Variants in GPR89B observed in about 807,000 individuals in gnomAD.
GPR89B encodes the protein G protein-coupled receptor 89B.
In GPR89B, 25 loss-of-function variants were observed where a neutral mutation model predicts 52.4. The ratio of observed to expected loss-of-function variants is 0.48; its 90% CI spans 0.35 to 0.67. The LOEUF (loss-of-function observed/expected upper bound fraction) is 0.67, where lower values mean the gene tolerates loss of function less well. Among genes scored for constraint, GPR89B ranks in the 30% least tolerant of loss-of-function variants. The pLI is 0.01. For synonymous variants in GPR89B, 52 were observed against 151.2 expected (o/e 0.34, Z 4.81); for missense variants, 146 against 450.2 (o/e 0.32, Z 6.11).
chr1:148,006,865 T>C, the GPR89B span, among the ~76,000 whole-genome samples: 4 of 148,268 alleles, frequency 2.7e-5, no homozygotes, highest in East Asian at 2.1e-4. Flanking sequence ...TACAGGCGCC[T>C]GCCACCGCGC....
chr1:147,941,460 G>C (rs1291387013), intron 3 of GPR89B, among the ~76,000 whole-genome samples: 4 of 151,822 alleles, frequency 2.6e-5, no homozygotes, highest in Admixed American at 2.6e-4. Flanking sequence ...AGTCTAAATG[G>C]TATTCACTCC....
At chr1:147,964,107 C>CT (rs1219999439) in intron 7 of GPR89B, among the ~76,000 whole-genome samples, 7 of 151,852 alleles carry the variant, frequency 4.6e-5, no homozygotes, top group African/African-American at 1.7e-4. Flanking sequence ...TATTGTGACT[C>CT]TATCAATGTC....
At chr1:147,956,277 A>G (rs1171661295) in intron 7 of GPR89B, among the ~76,000 whole-genome samples, 1 of 148,778 alleles carries the variant, frequency 6.7e-6, no homozygotes, top group African/African-American at 2.5e-5. Context: ...TGCTTGTATC[A>G]TGCTGTTTTA....
the GPR89B span, among the ~76,000 whole-genome samples, chr1:148,012,931 C>T: frequency 6.6e-6 from 1 of 151,796 alleles, no homozygotes; most frequent in Non-Finnish European, 1.5e-5. Flanking sequence ...TGTAAAATAG[C>T]AGAACGAATT....
intron 12 of GPR89B, among the ~76,000 whole-genome samples, chr1:147,991,905 T>C (rs1447117847): frequency 1.3e-5 from 2 of 151,944 alleles, no homozygotes; most frequent in African/African-American, 2.4e-5. Context: ...AATTCTCTTT[T>C]TTTGTTGTGT....
At chr1:147,985,148 A>G (rs1405016131) in intron 10 of GPR89B, among the ~76,000 whole-genome samples, 1 of 152,154 alleles carries the variant, frequency 6.6e-6, no homozygotes, top group African/African-American at 2.4e-5. Flanking sequence ...GTCATTAGGT[A>G]TATAAACATT....
chr1:147,983,638 C>T (rs1658435702), intron 10 of GPR89B, among the ~76,000 whole-genome samples: 1 of 152,044 alleles, frequency 6.6e-6, no homozygotes, highest in Non-Finnish European at 1.5e-5. Flanking sequence ...TACCATCTCA[C>T]ACCAGTTAGA....
At chr1:148,015,798 G>A in the GPR89B span, among the ~76,000 whole-genome samples, 4 of 149,326 alleles carry the variant, frequency 2.7e-5, no homozygotes, top group Non-Finnish European at 4.5e-5. Context: ...GGATAGAGGT[G>A]CAATTACTAT....
chr1:148,021,880 T>C, the GPR89B span: 2 of 146,964 alleles, frequency 1.4e-5, no homozygotes, highest in Non-Finnish European at 3.0e-5. Context: ...GATCATCCGG[T>C]TTCACCCCTG....
At chr1:147,971,802 T>G (rs1657491728) in intron 10 of GPR89B, among the ~76,000 whole-genome samples, 1 of 151,894 alleles carries the variant, frequency 6.6e-6, no homozygotes, top group Admixed American at 6.6e-5. Context: ...TTTAACAGGC[T>G]TGTTGGGGTA....
At chr1:147,949,907 G>A (rs1247294976) in intron 5 of GPR89B, among the ~76,000 whole-genome samples, 4 of 133,588 alleles carry the variant, frequency 3.0e-5, no homozygotes, top group Admixed American at 7.0e-5. Flanking sequence ...CGGACGGGGC[G>A]GCTGGCCGGG....
At chr1:147,976,061 T>C (rs1417912413) in intron 10 of GPR89B, among the ~76,000 whole-genome samples, 2 of 152,272 alleles carry the variant, frequency 1.3e-5, no homozygotes, top group Non-Finnish European at 2.9e-5. Flanking sequence ...TGAGGAGTGT[T>C]CTACTTCCAA....
chr1:147,947,325 G>A (rs587772269), intron 5 of GPR89B, among the ~76,000 whole-genome samples: 74 of 142,532 alleles, frequency 5.2e-4, no homozygotes, highest in African/African-American at 1.9e-3. Flanking sequence ...GCGACAGAGC[G>A]AGACTCTCAA....
intron 10 of GPR89B, among the ~76,000 whole-genome samples, chr1:147,981,392 C>G (rs1324567480): frequency 6.7e-6 from 1 of 149,366 alleles, no homozygotes; most frequent in African/African-American, 2.5e-5. Context: ...GCCCCAGCTA[C>G]TCGGGAGGCT....
the GPR89B span, among the ~76,000 whole-genome samples, chr1:148,023,090 C>T: frequency 1.1e-4 from 17 of 151,572 alleles, no homozygotes; most frequent in Middle Eastern, 3.4e-3. Flanking sequence ...CTCTCCCTCC[C>T]TCCCTACCTA....
intron 3 of GPR89B, among the ~76,000 whole-genome samples, chr1:147,941,212 G>A (rs1399596978): frequency 6.6e-6 from 1 of 152,140 alleles, no homozygotes; most frequent in Non-Finnish European, 1.5e-5. Context: ...TTTTTCAAGA[G>A]AATATCACTT....
chr1:147,950,629 C>T (rs1232611875), intron 5 of GPR89B, among the ~76,000 whole-genome samples: 1 of 152,184 alleles, frequency 6.6e-6, no homozygotes, highest in Non-Finnish European at 1.5e-5. Context: ...CCGCTGCACT[C>T]CAGCCTGGGC....
At chr1:147,932,104 A>C (rs1250625247) in intron 1 of GPR89B, among the ~76,000 whole-genome samples, 1 of 151,114 alleles carries the variant, frequency 6.6e-6, no homozygotes, top group Non-Finnish European at 1.5e-5. Flanking sequence ...ATCCATTTCC[A>C]CTATACATAC....
downstream of GPR89B, among the ~76,000 whole-genome samples, chr1:147,996,057 G>A (rs1284029834): frequency 5.3e-5 from 8 of 151,986 alleles, no homozygotes; most frequent in African/African-American, 1.9e-4. Flanking sequence ...TATTTATGAA[G>A]GCTATAACTT....
Sources: allele counts gnomAD v4.1 joint callset (sites outside exome capture counted in the v4.1 genomes callset), GRCh38; gene constraint gnomAD v4.1.1; transcripts MANE v1.5; gene names NCBI Gene and HGNC (gene_info 2026-07-23, HGNC 2026-07-21).